The following SULF1 variants were observed in gnomAD, a reference collection of about 807,000 sequenced individuals.
The protein encoded by SULF1 is sulfatase 1.
A neutral mutation model predicts 110.5 loss-of-function variants in SULF1; 46 were observed. That is an observed-to-expected ratio of 0.42 (90% confidence interval 0.33 to 0.53). SULF1 has a LOEUF of 0.53. SULF1 is among the 20% of genes least tolerant of loss of function. The pLI is 0.12. For synonymous variants in SULF1, 371 were observed against 387.1 expected (o/e 0.96, Z 0.49); for missense variants, 941 against 1,094.2 (o/e 0.86, Z 1.98).
chr8:69,586,430 A>C lies in SULF1; in HGVS notation c.486A>C (p.Leu162Phe). ...IPPGWREWLG[L>F]IKNSRFYNYT... ...CTGGGTGGCGAGAATGGCTTGGATTAATCAAGAATTCTCGCTTCTATAATT... is the reference window on the plus strand; with the variant it reads ...CTGGGTGGCGAGAATGGCTTGGATTCATCAAGAATTCTCGCTTCTATAATT... Residue 162 changes from leucine (L) to phenylalanine (F), a missense_variant, in exon 7 of 23, where the codon TTA (leucine) becomes TTC (phenylalanine). Transcript: ENST00000402687. The C allele has an allele frequency of 6.2e-7, 1 of 1,612,178 alleles. No homozygotes were observed. The highest frequency in any genetic ancestry group is 8.5e-7 in the Non-Finnish European group (1 of 1,179,438).
In SULF1 at chr8:69,640,860, T is replaced by C. The variant is rs1409897838; in HGVS notation, c.2585+19T>C. 5.4e-5 allele frequency: 86 copies of C among 1,605,766 alleles called. No homozygotes were observed. The highest frequency in any genetic ancestry group is 6.8e-5 in the Non-Finnish European group (80 of 1,176,648). On this transcript the variant is annotated intron_variant, in intron 22 of 22. Transcript: ENST00000402687. ...TACACAGGTATTCACACTTTTTTAT[T>C]CTTCTCAACAGCTTCTTCCCCAATA...
intron 15 of SULF1, 21 bp from the exon 16 acceptor site, chr8:69,627,189 T>C: frequency 6.4e-7 from 1 of 1,564,598 alleles, no homozygotes; most frequent in Non-Finnish European, 8.8e-7. Flanking sequence ...CTATTTCACA[T>C]GGTTTTGGTT....
chr8:69,525,172 A>G (rs1215707171), intron 3 of SULF1, among the ~76,000 whole-genome samples: 3 of 152,154 alleles, frequency 2.0e-5, no homozygotes, highest in African/African-American at 4.8e-5. Flanking sequence ...TAGTTAAGCT[A>G]TATTTCATTC....
At position 69,576,002 on chromosome 8, in the gene SULF1, A is replaced by G; in HGVS notation, c.205A>G (p.Ile69Val). ...SLQVMNKTRK[I>V]MEHGGATFIN... The stretch of plus-strand genomic sequence containing the variant: ...GCAAGTCATGAACAAAACGAGAAAG[A>G]TTATGGAACATGGGGGGGCCACCTT... The change falls in exon 6 of 23, where the codon ATT (isoleucine) becomes GTT (valine). Residue 69 changes from isoleucine to valine, a missense_variant. Transcript: ENST00000402687. 6.2e-7 allele frequency: 1 copy of G among 1,614,036 alleles called. No individual in the cohort carries two copies.
intron 3 of SULF1, among the ~76,000 whole-genome samples, chr8:69,517,873 A>C (rs971845061): frequency 6.6e-6 from 1 of 152,248 alleles, no homozygotes; most frequent in African/African-American, 2.4e-5. Flanking sequence ...TGGGAAACTG[A>C]TAAATCCTCC....
chr8:69,634,160 A>G (rs1347044942), intron 19 of SULF1, among the ~76,000 whole-genome samples: 2 of 152,114 alleles, frequency 1.3e-5, no homozygotes, highest in African/African-American at 2.4e-5. Flanking sequence ...TGGTTCATTC[A>G]ATTCAATTTA....
intron 2 of SULF1, among the ~76,000 whole-genome samples, chr8:69,497,588 C>T (rs1172089649): frequency 6.6e-6 from 1 of 152,184 alleles, no homozygotes; most frequent in Non-Finnish European, 1.5e-5. Flanking sequence ...AAAAATGCCT[C>T]CAATTCACAG....
At position 69,497,921 on chromosome 8, in the gene SULF1, G is replaced by A. The variant is rs73683925; in HGVS notation, c.-229+1995G>A. Among the ~76,000 whole-genome samples the A allele has an allele frequency of 7.7e-3, 1,175 of 152,220 alleles. 20 individuals carry two copies. The highest frequency in any genetic ancestry group is 0.027 in the African/African-American group (1,106 of 41,536). On this transcript the variant is annotated intron_variant, in intron 2 of 22. Coordinates refer to ENST00000402687, the MANE Select transcript of SULF1 (RefSeq NM_001128205.2). ...TAACTTCTCGATATATTCTCAACAG[G>A]TGAAATTCTGGCACACACCCACACT...
In SULF1 at chr8:69,626,387, G is replaced by A. The variant is rs186647464; in HGVS notation, c.1851-823G>A. Among the ~76,000 whole-genome samples the A allele has an allele frequency of 4.5e-3, 678 of 152,358 alleles. 5 individuals are homozygous for A. Among genetic ancestry groups the A allele is most frequent in the African/African-American group, 0.016 (646 of 41,584 alleles). ...CCTGAGCTAGACATAAAGACTCCAC[G>A]TCCCCACCAGACTCAGGAGCCCAGC... On this transcript the variant is annotated intron_variant, in intron 15 of 22. Coordinates refer to ENST00000402687, the MANE Select transcript of SULF1 (RefSeq NM_001128205.2).
intron 3 of SULF1, among the ~76,000 whole-genome samples, chr8:69,558,375 G>A (rs1815255051): frequency 6.6e-6 from 1 of 152,156 alleles, no homozygotes; most frequent in African/African-American, 2.4e-5. Flanking sequence ...TGCTTATGGT[G>A]TCCCTTTTTT....
At chr8:69,554,663 A>AAC (rs1814958845) in intron 3 of SULF1, among the ~76,000 whole-genome samples, 1 of 152,108 alleles carries the variant, frequency 6.6e-6, no homozygotes, top group African/African-American at 2.4e-5. Context: ...GCCTTTCTAA[A>AAC]AAAAAAGAAA....
At chr8:69,494,139 T>G in intron 1 of SULF1, among the ~76,000 whole-genome samples, 1 of 152,150 alleles carries the variant, frequency 6.6e-6, no homozygotes, top group African/African-American at 2.4e-5. Context: ...TTGGTAATAA[T>G]GTAGAAAAGC....
chr8:69,553,548 ATGT>A (rs1363807965), intron 3 of SULF1, among the ~76,000 whole-genome samples: 2 of 152,218 alleles, frequency 1.3e-5, no homozygotes, highest in Non-Finnish European at 1.5e-5. Flanking sequence ...AAATTGACAA[ATGT>A]TGTTCTATGA....
intron 3 of SULF1, among the ~76,000 whole-genome samples, chr8:69,524,201 G>T (rs1441547495): frequency 6.6e-6 from 1 of 152,036 alleles, no homozygotes; most frequent in Non-Finnish European, 1.5e-5. Context: ...CTTTAAGAAA[G>T]ATTTTGGCAT....
At chr8:69,488,902 C>T (rs1809805011), upstream of SULF1, among the ~76,000 whole-genome samples, 1 of 151,980 alleles carries the variant, frequency 6.6e-6, no homozygotes, top group Admixed American at 6.6e-5. Context: ...TGAGGCTCCC[C>T]GGGGAAGGTG....
In SULF1 at chr8:69,633,584, G is replaced by A. The variant is rs577103646; in HGVS notation, c.2284+3905G>A. On this transcript the variant is annotated intron_variant, in intron 19 of 22. Coordinates refer to ENST00000402687, the MANE Select transcript of SULF1 (RefSeq NM_001128205.2). ...TCACCTGACCTCAGGTGATCCACCC[G>A]CCTCGGCCTCCCAAAGTGCTGGGAT... is the stretch of plus-strand genomic sequence containing the variant. Among the ~76,000 whole-genome samples the A allele has an allele frequency of 9.9e-5, 15 of 151,864 alleles. No individual in the cohort carries two copies. In the South Asian group the frequency reaches 1.9e-3, roughly 19 times the overall value.
chr8:69,570,349 G>A (rs1240807676), intron 5 of SULF1, among the ~76,000 whole-genome samples: 2 of 152,172 alleles, frequency 1.3e-5, no homozygotes, highest in Non-Finnish European at 2.9e-5. Flanking sequence ...TGACAAACAG[G>A]TTTGATGAAA....
rs187978940 is a variant in SULF1, at chr8:69,568,108, T to G, written c.172+3961T>G. 2.1e-3 allele frequency among the ~76,000 whole-genome samples: 315 copies of G among 152,344 alleles called. 1 individual carries two copies. Among genetic ancestry groups the G allele is most frequent in the African/African-American group, 7.3e-3 (302 of 41,586 alleles). On this transcript the variant is annotated intron_variant, in intron 5 of 22. Transcript: ENST00000402687. ...TGTTTTGTTTTTTACTCCAGTGCAA[T>G]TTTCTTTGCCAAGTGCTTTAATAAA...
At chr8:69,552,336 A>G (rs1028289522) in intron 3 of SULF1, among the ~76,000 whole-genome samples, 2 of 152,208 alleles carry the variant, frequency 1.3e-5, no homozygotes, top group Non-Finnish European at 2.9e-5. Flanking sequence ...CTCAAAATCT[A>G]ATTGCTAGAA....
Sources: allele counts gnomAD v4.1 joint callset (sites outside exome capture counted in the v4.1 genomes callset), GRCh38; gene constraint gnomAD v4.1.1; transcripts MANE v1.5; gene names NCBI Gene and HGNC (gene_info 2026-07-23, HGNC 2026-07-21).